GUCY1B1: variants seen among roughly 807,000 people sequenced by gnomAD.
GUCY1B1 encodes the protein guanylate cyclase 1 soluble subunit beta 1.
Under a neutral mutation model 71.0 loss-of-function variants are expected in GUCY1B1, and 43 were observed. The observed-to-expected ratio is 0.61, with a 90% CI of 0.47 to 0.78. The LOEUF is 0.78. GUCY1B1 is among the 30% of genes least tolerant of loss of function. The pLI is 0.00. For synonymous variants in GUCY1B1, 266 were observed against 259.7 expected (o/e 1.02, Z -0.23); for missense variants, 535 against 754.1 (o/e 0.71, Z 3.40).
chr4:155,803,727 T>C lies in GUCY1B1; in HGVS notation c.1517T>C (p.Ile506Thr). Residue 506 changes from isoleucine to threonine, a missense_variant, in exon 11 of 14, where the codon ATT becomes ACT. Coordinates refer to ENST00000264424, the MANE Select transcript of GUCY1B1 (RefSeq NM_000857.5). The part of the protein sequence containing the change: ...ICHLALDMME[I>T]AGQVQVDGES... ...CACCTGGCCTTGGACATGATGGAAATTGCTGGCCAGGTTCAAGTAGATGGT... is the reference window on the plus strand; with the variant it reads ...CACCTGGCCTTGGACATGATGGAAACTGCTGGCCAGGTTCAAGTAGATGGT... 6.2e-7 allele frequency: 1 copy of C among 1,600,736 alleles called. No individual in the cohort carries two copies. The highest frequency in any genetic ancestry group is 1.1e-5 in the South Asian group (1 of 88,470).
chr4:155,759,563 C>G (rs1483333713), intron 1 of GUCY1B1: 3 of 520,022 alleles, frequency 5.8e-6, no homozygotes, highest in South Asian at 2.8e-5. Flanking sequence ...GGGAAGATAG[C>G]GTGGGGGTGG....
chr4:155,759,331 G>C, intron 1 of GUCY1B1, 188 bp downstream of exon 1: 1 of 592,268 alleles, frequency 1.7e-6, no homozygotes, highest in Non-Finnish European at 2.9e-6. Flanking sequence ...TCGTGGCGGG[G>C]GCGATCGGTG....
At chr4:155,772,609 G>T (rs1224590769) in intron 2 of GUCY1B1, 1 of 659,742 alleles carries the variant, frequency 1.5e-6, no homozygotes, top group Non-Finnish European at 2.7e-6. Context: ...TAGGAGAGAA[G>T]AGGTCTTGGT....
At chr4:155,772,850 AT>A (rs1170149962) in intron 2 of GUCY1B1, 1 of 698,098 alleles carries the variant, frequency 1.4e-6, no homozygotes, top group African/African-American at 1.8e-5. Context: ...AAAGTTATGA[AT>A]AAATGCAGGC....
chr4:155,784,281 C>T (rs1259966322), intron 4 of GUCY1B1, among the ~76,000 whole-genome samples: 1 of 152,028 alleles, frequency 6.6e-6, no homozygotes, highest in Non-Finnish European at 1.5e-5. Flanking sequence ...ATTTAATTCT[C>T]AAGAAGCAGC....
intron 3 of GUCY1B1, among the ~76,000 whole-genome samples, chr4:155,776,644 T>TG (rs1738071031): frequency 1.3e-5 from 2 of 152,122 alleles, no homozygotes; most frequent in South Asian, 4.2e-4. Context: ...CACTACAGCC[T>TG]GGGCGACAAA....
chr4:155,794,614 C>A (rs1739422114), intron 6 of GUCY1B1, among the ~76,000 whole-genome samples: 2 of 152,234 alleles, frequency 1.3e-5, no homozygotes, highest in South Asian at 4.1e-4. Context: ...TTGGTAAAAT[C>A]CTTTATGCTT....
At chr4:155,791,184 C>T (rs58196867) in intron 5 of GUCY1B1, among the ~76,000 whole-genome samples, 22 of 150,842 alleles carry the variant, frequency 1.5e-4, no homozygotes, top group Admixed American at 1.2e-3. Flanking sequence ...GCGCGATCTC[C>T]GCTCACTGCA....
chr4:155,806,366 T>C lies in GUCY1B1; in HGVS notation c.1837-20T>C. The C allele has an allele frequency of 6.4e-7, 1 of 1,567,312 alleles. No homozygotes were observed. Among genetic ancestry groups the C allele is most frequent in the Admixed American group, 1.7e-5 (1 of 59,680 alleles). ...CACTATCACTGTAAATCAATCCCTC[T>C]TTTCTTCTGCCTATTTAAGGAAACA... On this transcript the variant is annotated intron_variant, in intron 13 of 13. Coordinates refer to ENST00000264424, the MANE Select transcript of GUCY1B1 (RefSeq NM_000857.5).
In GUCY1B1 at chr4:155,775,014, A is replaced by G; in HGVS notation, c.124A>G (p.Ile42Val). ...AGAAGGACAGTTTCTTGTCAGAATAATATATGATGACTCCAAAACTTATGA... is the reference window on the plus strand; with the variant it reads ...AGAAGGACAGTTTCTTGTCAGAATAGTATATGATGACTCCAAAACTTATGA... ...DEEGQFLVRI[I>V]YDDSKTYDLV... The change falls in exon 3 of 14, where the codon ATA (isoleucine) becomes GTA (valine). Residue 42 changes from isoleucine to valine, a missense_variant. Transcript: ENST00000264424. 1 of 1,606,944 alleles carries G rather than the reference A, an allele frequency of 6.2e-7. No homozygotes were observed. The highest frequency in any genetic ancestry group is 8.5e-7 in the Non-Finnish European group (1 of 1,173,884).
chr4:155,801,830 T>C (rs1739975386), intron 9 of GUCY1B1, among the ~76,000 whole-genome samples: 1 of 152,208 alleles, frequency 6.6e-6, no homozygotes, highest in African/African-American at 2.4e-5. Context: ...CAGTTTCTTC[T>C]ATGGAGGAGT....
intron 8 of GUCY1B1, among the ~76,000 whole-genome samples, chr4:155,798,829 G>T (rs1200812206): frequency 7.0e-6 from 1 of 142,514 alleles, no homozygotes; most frequent in Admixed American, 7.0e-5. Flanking sequence ...AACCAGTTAG[G>T]TTTTGTTGTC....
In GUCY1B1 at chr4:155,807,573, AAATT is replaced by A. The variant is rs1740399910; in HGVS notation, c.*1166_*1169del. On this transcript the variant is annotated 3_prime_UTR_variant, in exon 14 of 14. Coordinates refer to ENST00000264424, the MANE Select transcript of GUCY1B1 (RefSeq NM_000857.5). ...GTTAATGTGTAAAAGAGTCTGTAATAAATTATTTTTTTCACGTGTCTCTATACAG... is the reference window on the plus strand; with the variant it reads ...GTTAATGTGTAAAAGAGTCTGTAATAATTTTTTTCACGTGTCTCTATACAG... The A allele has an allele frequency of 6.6e-6, 1 of 152,062 alleles. No homozygotes were observed. Among genetic ancestry groups the A allele is most frequent in the Admixed American group, 6.6e-5 (1 of 15,234 alleles). 9.4% of individuals were successfully genotyped at this position (152,062 alleles called of 1,614,324 possible).
At chr4:155,779,172 G>C (rs1738252127) in intron 4 of GUCY1B1, among the ~76,000 whole-genome samples, 1 of 152,118 alleles carries the variant, frequency 6.6e-6, no homozygotes, top group Non-Finnish European at 1.5e-5. Flanking sequence ...TGTAGTCCCA[G>C]CTACTTGGAG....
At chr4:155,804,937 A>G (rs1042025298) in intron 12 of GUCY1B1, among the ~76,000 whole-genome samples, 166 bp from the exon 13 acceptor site, 2 of 152,182 alleles carry the variant, frequency 1.3e-5, no homozygotes, top group Non-Finnish European at 2.9e-5. Context: ...ATTTCACATC[A>G]TCTTAGGAAA....
chr4:155,787,456 A>G (rs1561019412), intron 4 of GUCY1B1, among the ~76,000 whole-genome samples: 1 of 152,126 alleles, frequency 6.6e-6, no homozygotes, highest in Non-Finnish European at 1.5e-5. Flanking sequence ...ATTTATCTGG[A>G]TTAGATTGTC....
chr4:155,777,203 G>A lies in GUCY1B1; in HGVS notation c.179-321G>A, dbSNP rs189822067. ...TTTCCACTTGTAGTGTCACGTTGGT[G>A]ACCAAAAAGTTTCAGGTTCTTGAGT... On this transcript the variant is annotated intron_variant, in intron 3 of 13. Coordinates refer to ENST00000264424, the MANE Select transcript of GUCY1B1 (RefSeq NM_000857.5). Among the ~76,000 whole-genome samples, 324 of 152,292 alleles carry A rather than the reference G, an allele frequency of 2.1e-3. 2 individuals are homozygous for A. The highest frequency in any genetic ancestry group is 3.8e-3 in the Non-Finnish European group (258 of 68,018).
chr4:155,791,779 C>CAAA lies in GUCY1B1; in HGVS notation c.495+1875_495+1877dup, dbSNP rs10669957. Among the ~76,000 whole-genome samples, 1,313 of 144,442 alleles carry CAAA rather than the reference C, an allele frequency of 9.1e-3. 5 individuals are homozygous for CAAA. Among genetic ancestry groups the CAAA allele is most frequent in the Admixed American group, 0.014 (210 of 14,592 alleles). 94.8% of individuals were successfully genotyped at this position (144,442 alleles called of 152,430 possible). A position where few individuals can be genotyped will look rare whatever the true frequency, so the allele number is the denominator to read the frequency against. ...AAATAAAGCAAAACAAAACGAAAAA[C>CAAA]AAAAAAAAACACAGCATCTATACTG... On this transcript the variant is annotated intron_variant, in intron 5 of 13. Transcript: ENST00000264424.
chr4:155,781,071 G>C (rs1409041085), intron 4 of GUCY1B1, among the ~76,000 whole-genome samples: 1 of 151,942 alleles, frequency 6.6e-6, no homozygotes, highest in East Asian at 1.9e-4. Context: ...ATTAAGAATA[G>C]GTCTGTCTTA....
Sources: gnomAD v4.1 joint callset for allele counts (sites outside exome capture counted in the v4.1 genomes callset) on GRCh38, gnomAD v4.1.1 for gene constraint, MANE v1.5 for transcripts, NCBI Gene and HGNC (gene_info 2026-07-23, HGNC 2026-07-21) for gene names.